Variants in ADAMTS3 observed in about 807,000 individuals in gnomAD.
ADAMTS3 encodes A disintegrin and metalloproteinase with thrombospondin motifs 3.
A neutral mutation model predicts 129.0 loss-of-function variants in ADAMTS3; 73 were observed. That is an observed-to-expected ratio of 0.57 (90% CI 0.47 to 0.69). The LOEUF is 0.69. Among genes scored for constraint, ADAMTS3 ranks in the 30% least tolerant of loss-of-function variants. The pLI is 0.00. For synonymous variants in ADAMTS3, 477 were observed against 510.8 expected (o/e 0.93, Z 0.89); for missense variants, 1,457 against 1,514.5 (o/e 0.96, Z 0.63).
At chr4:72,492,571 GTGATTTTTATTTTGGAA>G (rs1488280673) in intron 3 of ADAMTS3, among the ~76,000 whole-genome samples, 2 of 151,752 alleles carry the variant, frequency 1.3e-5, no homozygotes, top group Non-Finnish European at 3.0e-5. Flanking sequence ...CTCAGAAAAA[GTGATTTTTATTTTGGAA>G]TGATTTTTAT....
intron 3 of ADAMTS3, among the ~76,000 whole-genome samples, chr4:72,451,388 A>C (rs1443784284): frequency 6.6e-6 from 1 of 151,834 alleles, no homozygotes; most frequent in Non-Finnish European, 1.5e-5. Context: ...TCTTACTAGA[A>C]GATTCCAAAA....
intron 3 of ADAMTS3, among the ~76,000 whole-genome samples, chr4:72,463,478 C>T (rs947487145): frequency 6.6e-6 from 1 of 151,940 alleles, no homozygotes; most frequent in Middle Eastern, 3.4e-3. Context: ...TATATCTAGA[C>T]CAAAGAAAGT....
chr4:72,563,031 GC>G (rs1317093940), intron 2 of ADAMTS3, among the ~76,000 whole-genome samples: 1 of 152,104 alleles, frequency 6.6e-6, no homozygotes, highest in Non-Finnish European at 1.5e-5. Context: ...ATCTGGGTTG[GC>G]TACTCAAAGT....
At chr4:72,403,740 T>G (rs60424845) in intron 4 of ADAMTS3, among the ~76,000 whole-genome samples, 2 of 152,024 alleles carry the variant, frequency 1.3e-5, no homozygotes, top group Non-Finnish European at 2.9e-5. Flanking sequence ...TTTTTTAAAA[T>G]AAAAAGCTCC....
At chr4:72,363,455 T>C (rs1366585135) in intron 4 of ADAMTS3, among the ~76,000 whole-genome samples, 1 of 152,086 alleles carries the variant, frequency 6.6e-6, no homozygotes, top group African/African-American at 2.4e-5. Flanking sequence ...AAAAAGGCCA[T>C]CCTCCCTGAA....
intron 2 of ADAMTS3, among the ~76,000 whole-genome samples, chr4:72,556,286 C>T (rs893284681): frequency 6.6e-6 from 1 of 151,684 alleles, no homozygotes; most frequent in Non-Finnish European, 1.5e-5. Context: ...AACTCCTTTA[C>T]ATGTTCAGCC....
chr4:72,483,013 A>C (rs1277152260), intron 3 of ADAMTS3, among the ~76,000 whole-genome samples: 1 of 152,328 alleles, frequency 6.6e-6, no homozygotes, highest in Middle Eastern at 3.4e-3. Context: ...CCAACCTGAA[A>C]GTGTGCTAAT....
At position 72,357,613 on chromosome 4, in the gene ADAMTS3, A is replaced by T. The variant is rs180947897; in HGVS notation, c.662-17920T>A. Among the ~76,000 whole-genome samples the T allele has an allele frequency of 6.1e-4, 92 of 152,012 alleles. 1 individual carries two copies. The highest frequency in any genetic ancestry group is 2.1e-3 in the African/African-American group (86 of 41,520). ...TGTGTATATATAAAAATACATATAC[A>T]TTTCATGAAAAGGCCAAACAACACT... On this transcript the variant is annotated intron_variant, in intron 4 of 21. Transcript: ENST00000286657.
rs560991244 is a variant in ADAMTS3, at chr4:72,508,460, CA to C, written c.504+40017del. On this transcript the variant is annotated intron_variant, in intron 3 of 21. Transcript: ENST00000286657. ...CATATTTTACATTAGGAAGATGAGT[CA>C]AAAAAGGATTTAAATGAGTTTCTGA... Among the ~76,000 whole-genome samples the C allele has an allele frequency of 1.3e-4, 20 of 151,922 alleles. No individual in the cohort carries two copies. In the East Asian group the frequency reaches 3.9e-3, roughly 29 times the overall value.
At chr4:72,425,617 G>C (rs913544319) in intron 3 of ADAMTS3, among the ~76,000 whole-genome samples, 2 of 152,126 alleles carry the variant, frequency 1.3e-5, no homozygotes, top group South Asian at 2.1e-4. Context: ...AGTTTGCTGA[G>C]AATGATGATT....
intron 3 of ADAMTS3, among the ~76,000 whole-genome samples, chr4:72,535,323 C>T (rs969976859): frequency 3.9e-5 from 6 of 152,178 alleles, no homozygotes; most frequent in Admixed American, 1.3e-4. Context: ...GTTTGGGTTG[C>T]TAACATTTGT....
chr4:72,431,330 C>T (rs1189734039), intron 3 of ADAMTS3, among the ~76,000 whole-genome samples: 2 of 152,012 alleles, frequency 1.3e-5, no homozygotes, highest in Middle Eastern at 3.4e-3. Flanking sequence ...CCCATTAAAG[C>T]TAAAATACTA....
intron 2 of ADAMTS3, among the ~76,000 whole-genome samples, chr4:72,550,053 AAGAGGAAGAGGAAGAGGAAGAGGAAGAG>A (rs1560564197): frequency 4.8e-4 from 5 of 10,360 alleles, no homozygotes; most frequent in African/African-American, 1.6e-3. Flanking sequence ...GAGGAAGAGG[AAGAGGAAGAGGAAGAGGAAGAGGAAGAG>A]GAAGAAGAAG....
chr4:72,517,030 G>A (rs1021308628), intron 3 of ADAMTS3, among the ~76,000 whole-genome samples: 1 of 152,090 alleles, frequency 6.6e-6, no homozygotes, highest in Non-Finnish European at 1.5e-5. Context: ...AATTTATTGA[G>A]AGTTTTTAGC....
At chr4:72,309,647 G>T in intron 14 of ADAMTS3, 127 bp from the exon 15 acceptor site, 3 of 990,784 alleles carry the variant, frequency 3.0e-6, no homozygotes, top group Non-Finnish European at 4.3e-6. Flanking sequence ...AACTGCCACT[G>T]TAGTCATAAT....
chr4:72,316,560 T>C (rs1719401632), intron 10 of ADAMTS3, among the ~76,000 whole-genome samples: 1 of 152,002 alleles, frequency 6.6e-6, no homozygotes, highest in African/African-American at 2.4e-5. Context: ...TGTTGGTGCA[T>C]GCCTCTAATT....
intron 4 of ADAMTS3, among the ~76,000 whole-genome samples, chr4:72,349,260 C>T (rs565561536): frequency 6.6e-6 from 1 of 152,074 alleles, no homozygotes; most frequent in South Asian, 2.1e-4. Flanking sequence ...AATTAGGCCA[C>T]AATTTCACTA....
intron 3 of ADAMTS3, among the ~76,000 whole-genome samples, chr4:72,450,009 T>C (rs1438488110): frequency 3.3e-5 from 5 of 151,780 alleles, no homozygotes; most frequent in African/African-American, 4.8e-5. Flanking sequence ...GTGTGTATAT[T>C]GGTTTTCCAC....
intron 3 of ADAMTS3, among the ~76,000 whole-genome samples, chr4:72,422,608 C>T (rs977343639): frequency 6.6e-6 from 1 of 152,072 alleles, no homozygotes; most frequent in East Asian, 1.9e-4. Context: ...TCAACTCTTC[C>T]AGCTACATCA....
Sources: gnomAD v4.1 joint callset for allele counts (sites outside exome capture counted in the v4.1 genomes callset) on GRCh38, gnomAD v4.1.1 for gene constraint, MANE v1.5 for transcripts, NCBI Gene and HGNC (gene_info 2026-07-23, HGNC 2026-07-21) for gene names.